The following DST variants were observed in gnomAD, a reference collection of about 807,000 sequenced individuals.
DST encodes dystonin.
A neutral mutation model predicts 875.2 loss-of-function variants in DST; 253 were observed. That is an observed-to-expected ratio of 0.29 (90% CI 0.26 to 0.32). The LOEUF is 0.32. Among genes scored for constraint, DST ranks in the 10% least tolerant of loss-of-function variants. The pLI, the probability that DST is intolerant of heterozygous loss-of-function variation, is 1.00. For missense variants in DST, 8,287 were observed against 9,111.6 expected (o/e 0.91, Z 3.68); for synonymous variants, 3,124 against 3,197.1 (o/e 0.98, Z 0.77).
At chr6:56,907,159 C>A (rs546948859) in intron 2 of DST, among the ~76,000 whole-genome samples, 33 of 152,288 alleles carry the variant, frequency 2.2e-4, no homozygotes, top group Non-Finnish European at 2.5e-4. Flanking sequence ...AATGGCTACA[C>A]CAAAGACCTT....
chr6:56,890,034 T>C (rs1786583454), intron 3 of DST, among the ~76,000 whole-genome samples: 1 of 152,248 alleles, frequency 6.6e-6, no homozygotes, highest in Admixed American at 6.5e-5. Context: ...GTAATTAAAA[T>C]ACTTCAGGAA....
chr6:56,783,570 T>C (rs953446746), intron 4 of DST, among the ~76,000 whole-genome samples: 1 of 152,150 alleles, frequency 6.6e-6, no homozygotes, highest in Non-Finnish European at 1.5e-5. Context: ...TGTTTTCCAT[T>C]TGCTTGGTAG....
intron 5 of DST, among the ~76,000 whole-genome samples, chr6:56,723,090 T>C (rs2099428701): frequency 6.6e-6 from 1 of 152,212 alleles, no homozygotes; most frequent in Non-Finnish European, 1.5e-5. Context: ...GACAAAATAG[T>C]TTCTTCAGGT....
chr6:56,950,929 GA>G (rs1304206427), intron 2 of DST, among the ~76,000 whole-genome samples: 2 of 152,246 alleles, frequency 1.3e-5, no homozygotes, highest in East Asian at 3.9e-4. Context: ...GGAAGAAACT[GA>G]AAAAATGTGT....
In DST at chr6:56,471,431, T is replaced by C. The variant is rs76625552; in HGVS notation, c.22159-163A>G. Among the ~76,000 whole-genome samples, 3,836 of 152,332 alleles carry C rather than the reference T, an allele frequency of 0.025. 73 individuals are homozygous for C. The highest frequency in any genetic ancestry group is 0.042 in the Non-Finnish European group (2,890 of 68,020). ...AGGGGACTTAGAAACATTTTGCCTT[T>C]AAAATGTATTCCATTGCTGTCACTG... On this transcript the variant is annotated intron_variant, in intron 94 of 103. Transcript: ENST00000680361.
Position 56,458,773 on chromosome 6 carries a change from G to C in DST, c.*232C>G. ...GCCCGGCACGTTACAGTGCAGAAAT[G>C]TTAGTTCATGTTAAACTTTTCCTCC... is the stretch of plus-strand genomic sequence containing the variant. On this transcript the variant is annotated 3_prime_UTR_variant, in exon 104 of 104. Transcript: ENST00000680361. 1 of 425,310 alleles carries C rather than the reference G, an allele frequency of 2.4e-6. No homozygotes were observed. The highest frequency in any genetic ancestry group is 4.1e-6 in the Non-Finnish European group (1 of 243,880). 26.3% of individuals were successfully genotyped at this position (425,310 alleles called of 1,614,324 possible).
chr6:56,596,751 G>A (rs914326719), intron 47 of DST, among the ~76,000 whole-genome samples: 6 of 152,120 alleles, frequency 3.9e-5, no homozygotes, highest in Admixed American at 6.5e-5. Flanking sequence ...TCCAGAAACC[G>A]TCTGTCAAAA....
At chr6:56,599,937 G>T in intron 45 of DST, 132 bp downstream of exon 45, 1 of 724,076 alleles carries the variant, frequency 1.4e-6, no homozygotes, top group Non-Finnish European at 2.1e-6. Context: ...CTCAAGCCCA[G>T]GGCGTCTTGG....
At chr6:56,690,435 CT>C (rs2099220594) in intron 9 of DST, among the ~76,000 whole-genome samples, 1 of 152,104 alleles carries the variant, frequency 6.6e-6, no homozygotes. Context: ...ACAGAGCCCC[CT>C]GAACCAGGAA....
At chr6:56,756,169 C>G (rs2099602472) in intron 4 of DST, among the ~76,000 whole-genome samples, 1 of 152,096 alleles carries the variant, frequency 6.6e-6, no homozygotes, top group Non-Finnish European at 1.5e-5. Context: ...TTGACCCACT[C>G]CCTATCTGGT....
chr6:56,934,061 C>A (rs924169295), intron 2 of DST, among the ~76,000 whole-genome samples: 1 of 151,946 alleles, frequency 6.6e-6, no homozygotes, highest in African/African-American at 2.4e-5. Flanking sequence ...AGATGGGGAT[C>A]TCACCATGCT....
intron 5 of DST, among the ~76,000 whole-genome samples, chr6:56,709,706 A>C (rs1470375074): frequency 1.3e-5 from 2 of 152,214 alleles, no homozygotes; most frequent in African/African-American, 2.4e-5. Context: ...ATGAATAATA[A>C]GAGTGCCACC....
intron 31 of DST, 84 bp downstream of exon 31, chr6:56,630,158 TTTA>T: frequency 7.8e-6 from 8 of 1,030,432 alleles, no homozygotes; most frequent in Non-Finnish European, 1.2e-5. Context: ...ATCCAAGATA[TTTA>T]ACACTTGATG....
intron 55 of DST, among the ~76,000 whole-genome samples, chr6:56,563,771 G>C (rs1323617242): frequency 6.6e-6 from 1 of 152,098 alleles, no homozygotes; most frequent in Admixed American, 6.6e-5. Flanking sequence ...GTGTAAGGAA[G>C]GGGTCCAGTT....
At chr6:56,920,651 A>G (rs1284333504) in intron 2 of DST, among the ~76,000 whole-genome samples, 2 of 152,118 alleles carry the variant, frequency 1.3e-5, no homozygotes, top group African/African-American at 4.8e-5. Context: ...ATAGAAAGAC[A>G]AGAGTTCCAA....
At chr6:56,561,865 ATC>A (rs1312676122) in intron 56 of DST, among the ~76,000 whole-genome samples, 6 of 152,186 alleles carry the variant, frequency 3.9e-5, no homozygotes, top group South Asian at 2.1e-4. Context: ...AAATAACGTT[ATC>A]CCAAGTGACA....
In DST at chr6:56,459,280, G is replaced by A. The variant is rs756074647; in HGVS notation, c.23195-13C>T. Reference sequence around the variant, plus strand: ...GTCTTCTTGGAATCTGAGGAAAGAAGGTAGAGACAGCTCACCCTTATTATT... The same window carrying A: ...GTCTTCTTGGAATCTGAGGAAAGAAAGTAGAGACAGCTCACCCTTATTATT... On this transcript the variant is annotated splice_polypyrimidine_tract_variant and intron_variant, in intron 103 of 103. Transcript: ENST00000680361. The A allele has an allele frequency of 4.4e-6, 7 of 1,608,678 alleles. No individual in the cohort carries two copies. The South Asian group carries it at 7.8e-5, about 18-fold the overall frequency.
chr6:56,915,562 C>G (rs1800525145), intron 2 of DST, among the ~76,000 whole-genome samples: 1 of 151,528 alleles, frequency 6.6e-6, no homozygotes, highest in East Asian at 1.9e-4. Context: ...AGAGTGAAGA[C>G]AGGGACAGAA....
At chr6:56,824,394 A>G (rs1175683133) in intron 4 of DST, among the ~76,000 whole-genome samples, 2 of 152,152 alleles carry the variant, frequency 1.3e-5, no homozygotes, top group African/African-American at 2.4e-5. Context: ...GGCCTCCCAA[A>G]GAGCCGAGAT....
Sources: gnomAD v4.1 joint callset for allele counts (sites outside exome capture counted in the v4.1 genomes callset) on GRCh38, gnomAD v4.1.1 for gene constraint, MANE v1.5 for transcripts, NCBI Gene and HGNC (gene_info 2026-07-23, HGNC 2026-07-21) for gene names.